FXR1: variants seen among roughly 807,000 people sequenced by gnomAD.
The protein encoded by FXR1 is RNA-binding protein FXR1.
A neutral mutation model predicts 84.0 loss-of-function variants in FXR1; 15 were observed. The ratio of observed to expected loss-of-function variants is 0.18; its 90% confidence interval spans 0.12 to 0.27. The LOEUF (loss-of-function observed/expected upper bound fraction) is 0.27. Ranked by LOEUF, FXR1 falls within the 10% of genes least tolerant of loss-of-function variation. The pLI is 1.00. For missense variants in FXR1, 480 were observed against 774.4 expected (o/e 0.62, Z 4.51); for synonymous variants, 245 against 250.7 (o/e 0.98, Z 0.21).
At chr3:180,919,435 C>T (rs1408739218) in intron 1 of FXR1, among the ~76,000 whole-genome samples, 1 of 151,342 alleles carries the variant, frequency 6.6e-6, no homozygotes, top group Non-Finnish European at 1.5e-5. Context: ...TAGCTGTGTG[C>T]CTCCACGCCC....
intron 3 of FXR1, among the ~76,000 whole-genome samples, chr3:180,940,217 T>C (rs1720968571): frequency 6.6e-6 from 1 of 152,264 alleles, no homozygotes; most frequent in Non-Finnish European, 1.5e-5. Context: ...TTAAAAATGG[T>C]GTCATCTCTT....
At chr3:180,938,456 T>C (rs974954268) in intron 3 of FXR1, among the ~76,000 whole-genome samples, 2 of 152,230 alleles carry the variant, frequency 1.3e-5, no homozygotes, top group East Asian at 1.9e-4. Flanking sequence ...GTTGGTTGGC[T>C]CTTAACCCCT....
chr3:180,930,873 A>G (rs1240844660), intron 1 of FXR1, among the ~76,000 whole-genome samples: 2 of 151,724 alleles, frequency 1.3e-5, no homozygotes, highest in Non-Finnish European at 2.9e-5. Flanking sequence ...TGTCTCTACT[A>G]AAAATACAAA....
At chr3:180,968,723 C>G (rs529767260) in intron 14 of FXR1, among the ~76,000 whole-genome samples, 1 of 152,216 alleles carries the variant, frequency 6.6e-6, no homozygotes, top group East Asian at 1.9e-4. Flanking sequence ...GTGGAATTAA[C>G]TAAGTTTTTT....
chr3:180,965,608 T>C (rs1576994054), intron 13 of FXR1, among the ~76,000 whole-genome samples: 1 of 152,174 alleles, frequency 6.6e-6, no homozygotes, highest in South Asian at 2.1e-4. Flanking sequence ...TTTAGAAAAT[T>C]TCTCTACTTT....
chr3:180,969,809 T>A (rs13076860), intron 14 of FXR1, among the ~76,000 whole-genome samples: 25,972 of 152,132 alleles, frequency 0.17, 2,436 homozygotes, highest in South Asian at 0.25. Context: ...TTCATTTTTG[T>A]TTTTCTAGTC....
intron 3 of FXR1, among the ~76,000 whole-genome samples, chr3:180,936,787 G>A (rs912690533): frequency 2.6e-5 from 4 of 152,290 alleles, no homozygotes; most frequent in African/African-American, 9.6e-5. Context: ...TTTAGTAAAA[G>A]CAAAATAGTA....
intron 1 of FXR1, among the ~76,000 whole-genome samples, chr3:180,913,062 C>G (rs954409986): frequency 3.3e-5 from 5 of 152,190 alleles, no homozygotes; most frequent in Middle Eastern, 3.4e-3. Flanking sequence ...GGAGCAGGCC[C>G]GAGCTCTGGG....
chr3:180,913,544 TTTTG>T (rs943643909), intron 1 of FXR1, among the ~76,000 whole-genome samples: 54 of 152,322 alleles, frequency 3.5e-4, no homozygotes, highest in African/African-American at 8.7e-4. Context: ...CCACGAGGTT[TTTTG>T]TTTGTTTGCT....
chr3:180,967,132 T>A (rs1351432614), intron 13 of FXR1, among the ~76,000 whole-genome samples: 2 of 152,176 alleles, frequency 1.3e-5, no homozygotes, highest in African/African-American at 4.8e-5. Flanking sequence ...TAAATTCTGT[T>A]TAGTAATTGC....
At chr3:180,926,476 C>CTG (rs1210071259) in intron 1 of FXR1, among the ~76,000 whole-genome samples, 10 of 56,486 alleles carry the variant, frequency 1.8e-4, no homozygotes, top group East Asian at 7.9e-4. Context: ...GGGGATTGTA[C>CTG]TGTATATATA....
chr3:180,942,649 T>G (rs1464134163), intron 3 of FXR1, among the ~76,000 whole-genome samples: 8 of 152,168 alleles, frequency 5.3e-5, no homozygotes, highest in Non-Finnish European at 1.0e-4. Flanking sequence ...TATTGTGTTT[T>G]TAGGCTTCTC....
chr3:180,968,174 G>A lies in FXR1; in HGVS notation c.1322G>A (p.Arg441His), dbSNP rs759610731. ...DSRHQRDSRR[R>H]PGGRGRSVSG... ...CGACATCAGCGTGACAGCAGGAGAC[G>A]CCCAGGAGGAAGAGGCAGAAGTGTT... is the stretch of plus-strand genomic sequence containing the variant. Residue 441 changes from arginine to histidine, a missense_variant, in exon 14 of 17, where the codon CGC becomes CAC. Arg to His is a conservative substitution (Grantham distance 29). Coordinates refer to ENST00000357559, the MANE Select transcript of FXR1 (RefSeq NM_005087.4). 7 of 1,613,662 alleles carry A rather than the reference G, an allele frequency of 4.3e-6. No homozygotes were observed. The highest frequency in any genetic ancestry group is 5.1e-6 in the Non-Finnish European group (6 of 1,179,676).
chr3:180,949,485 C>T, intron 7 of FXR1, 142 bp downstream of exon 7: 1 of 652,334 alleles, frequency 1.5e-6, no homozygotes, highest in Non-Finnish European at 2.8e-6. Flanking sequence ...CTCCCGGATT[C>T]AAGCGGTTCT....
rs529047241 is a variant in FXR1, at chr3:180,947,744, A to G, written c.199-121A>G. 3.1e-5 allele frequency: 15 copies of G among 484,254 alleles called. No individual in the cohort carries two copies. In the South Asian group the frequency reaches 5.7e-4, roughly 18 times the overall value. The allele number at this position is 484,254 out of a possible 1,614,324, so 30.0% of individuals were successfully genotyped here. A position where few individuals can be genotyped will look rare whatever the true frequency, so the allele number is the denominator to read the frequency against. Reference sequence around the variant, plus strand: ...TCTTTAAATTGCATTTAATATGCCAATTTAAATAAAATAGCATTTTTCATT... The same window carrying G: ...TCTTTAAATTGCATTTAATATGCCAGTTTAAATAAAATAGCATTTTTCATT... On this transcript the variant is annotated intron_variant, in intron 3 of 16. Coordinates refer to ENST00000357559, the MANE Select transcript of FXR1 (RefSeq NM_005087.4).
chr3:180,954,406 A>G (rs1722534863), intron 9 of FXR1, among the ~76,000 whole-genome samples: 3 of 152,218 alleles, frequency 2.0e-5, no homozygotes, highest in South Asian at 4.1e-4. Context: ...TGACACCATT[A>G]TTGAAACTGT....
intron 15 of FXR1, among the ~76,000 whole-genome samples, chr3:180,974,604 AC>A (rs1195255981): frequency 2.0e-5 from 3 of 152,148 alleles, no homozygotes; most frequent in Non-Finnish European, 4.4e-5. Context: ...CTTTGCAAAT[AC>A]ACATTTCAGA....
chr3:180,912,876 T>TC (rs1210393681), intron 1 of FXR1, 140 bp downstream of exon 1: 6 of 1,471,354 alleles, frequency 4.1e-6, no homozygotes, highest in Middle Eastern at 1.8e-4. Context: ...TCCTTGCTTC[T>TC]CCCCCCTCCA....
At chr3:180,932,093 A>G (rs776848664) in intron 1 of FXR1, among the ~76,000 whole-genome samples, 59 of 150,618 alleles carry the variant, frequency 3.9e-4, no homozygotes, top group Non-Finnish European at 6.6e-4. Flanking sequence ...AAAAAAAACA[A>G]CTTTTTTGTT....
Sources: allele counts gnomAD v4.1 joint callset (sites outside exome capture counted in the v4.1 genomes callset), GRCh38; gene constraint gnomAD v4.1.1; transcripts MANE v1.5; gene names NCBI Gene and HGNC (gene_info 2026-07-23, HGNC 2026-07-21).